The following HS3ST4 variants were observed in gnomAD, a reference collection of about 807,000 sequenced individuals.
The protein encoded by HS3ST4 is heparan sulfate glucosamine 3-O-sulfotransferase 4.
Under a neutral mutation model 29.2 loss-of-function variants are expected in HS3ST4, and 17 were observed. That is an observed-to-expected ratio of 0.58 (90% CI 0.40 to 0.87). The LOEUF (loss-of-function observed/expected upper bound fraction) is 0.87. Ranked by LOEUF, HS3ST4 falls within the 40% of genes least tolerant of loss-of-function variation. The pLI is 0.00. For synonymous variants in HS3ST4, 314 were observed against 285.7 expected, an observed-to-expected ratio of 1.10 and a Z score of -1.00; for missense variants, 627 against 634.5, an observed-to-expected ratio of 0.99 and a Z score of 0.13.
In HS3ST4 at chr16:26,136,870, A is replaced by G. The variant is rs79290123; in HGVS notation, c.*622A>G. On this transcript the variant is annotated 3_prime_UTR_variant, in exon 2 of 2. Transcript: ENST00000331351. ...CACATTCCTCACTGAAAAAGAAAAC[A>G]CACACCCACCCACACACACACACAC... The G allele has an allele frequency of 0.012, 1,896 of 153,456 alleles. 95 individuals carry two copies. Among genetic ancestry groups the G allele is most frequent in the Admixed American group, 0.092 (1,427 of 15,462 alleles). The allele number at this position is 153,456 out of a possible 1,614,324, so 9.5% of individuals were successfully genotyped here.
At chr16:25,828,224 TTCTTTCTTTCTTTCTTTC>T (rs1967240932) in intron 1 of HS3ST4, among the ~76,000 whole-genome samples, 2 of 79,360 alleles carry the variant, frequency 2.5e-5, no homozygotes, top group South Asian at 3.6e-4. Context: ...TTTCTTTCCT[TTCTTTCTTTCTTTCTTTC>T]TCTTTCTTTC....
At position 25,692,491 on chromosome 16, in the gene HS3ST4, C is replaced by T. The variant is rs1426133315; in HGVS notation, c.74C>T (p.Ala25Val). The T allele has an allele frequency of 4.4e-6, 6 of 1,376,826 alleles. 1 individual carries two copies. The South Asian group carries it at 4.4e-5, about 10-fold the overall frequency. The allele number at this position is 1,376,826 out of a possible 1,614,324, so 85.3% of individuals were successfully genotyped here. A position where few individuals can be genotyped will look rare whatever the true frequency, so the allele number is the denominator to read the frequency against. The change falls in exon 1 of 2, where the codon GCC (alanine) becomes GTC (valine). Residue 25 changes from alanine to valine, a missense_variant. By Grantham distance (64) the Ala-to-Val change is moderately conservative (BLOSUM62 0). Transcript: ENST00000331351. ...PPLAAPPPPG[A>V]SAKGPPARKL... Reference sequence around the variant, plus strand: ...CTGGCCGCGCCGCCGCCGCCCGGCGCCTCTGCTAAGGGGCCGCCGGCGCGC... The same window carrying T: ...CTGGCCGCGCCGCCGCCGCCCGGCGTCTCTGCTAAGGGGCCGCCGGCGCGC...
chr16:26,134,357 C>CTTTTTTTTTTTTTTTTTT (rs1167036022), intron 1 of HS3ST4, among the ~76,000 whole-genome samples: 3 of 109,066 alleles, frequency 2.8e-5, no homozygotes, highest in Non-Finnish European at 5.5e-5. Flanking sequence ...CTTTTCTTTT[C>CTTTTTTTTTTTTTTTTTT]TTTTCTTTTT....
chr16:25,914,566 G>C (rs1433134114), intron 1 of HS3ST4, among the ~76,000 whole-genome samples: 5 of 150,190 alleles, frequency 3.3e-5, no homozygotes, highest in Non-Finnish European at 5.9e-5. Flanking sequence ...TGTTTATGTG[G>C]TTGGATGTGG....
At chr16:26,111,907 C>T (rs1359808409) in intron 1 of HS3ST4, among the ~76,000 whole-genome samples, 1 of 151,672 alleles carries the variant, frequency 6.6e-6, no homozygotes, top group Non-Finnish European at 1.5e-5. Flanking sequence ...GTCCCAGCCA[C>T]TCATGAGGCT....
chr16:25,761,220 A>C (rs552307607), intron 1 of HS3ST4, among the ~76,000 whole-genome samples: 8 of 152,268 alleles, frequency 5.3e-5, no homozygotes, highest in African/African-American at 1.9e-4. Flanking sequence ...GTCCATCACC[A>C]TGCATCATTA....
chr16:26,128,825 C>G (rs1226716356), intron 1 of HS3ST4, among the ~76,000 whole-genome samples: 1 of 152,144 alleles, frequency 6.6e-6, no homozygotes, highest in African/African-American at 2.4e-5. Flanking sequence ...TAAGCAGGTG[C>G]TCCATTGAAT....
At chr16:25,856,086 C>T (rs748041235) in intron 1 of HS3ST4, among the ~76,000 whole-genome samples, 2 of 152,180 alleles carry the variant, frequency 1.3e-5, no homozygotes, top group Middle Eastern at 6.8e-3. Context: ...CACAAGGGAC[C>T]TTCCTCTGCT....
At chr16:25,895,155 G>T (rs28685626) in intron 1 of HS3ST4, among the ~76,000 whole-genome samples, 1 of 141,364 alleles carries the variant, frequency 7.1e-6, no homozygotes, top group African/African-American at 2.7e-5. Flanking sequence ...GTGTGTGTGT[G>T]TGTGTGCTCA....
At chr16:25,708,232 A>G (rs1567224233) in intron 1 of HS3ST4, among the ~76,000 whole-genome samples, 1 of 152,236 alleles carries the variant, frequency 6.6e-6, no homozygotes, top group East Asian at 1.9e-4. Context: ...ATTTCCTGAG[A>G]TACAAAACGA....
At chr16:26,114,726 C>A (rs1032977314) in intron 1 of HS3ST4, among the ~76,000 whole-genome samples, 2 of 151,998 alleles carry the variant, frequency 1.3e-5, no homozygotes, top group African/African-American at 4.8e-5. Flanking sequence ...GAAATAAGTA[C>A]CATTAAAGGC....
At chr16:25,888,794 A>AAAC (rs201656635) in intron 1 of HS3ST4, among the ~76,000 whole-genome samples, 31 of 152,280 alleles carry the variant, frequency 2.0e-4, no homozygotes, top group East Asian at 1.5e-3. Context: ...AACAACAACA[A>AAAC]AACAACAACA....
intron 1 of HS3ST4, among the ~76,000 whole-genome samples, chr16:26,051,624 G>A (rs868608647): frequency 1.3e-5 from 2 of 151,956 alleles, no homozygotes; most frequent in African/African-American, 4.8e-5. Flanking sequence ...CTGTGTTCAC[G>A]CAAGGATTTC....
chr16:25,914,419 C>T (rs886816621), intron 1 of HS3ST4, among the ~76,000 whole-genome samples: 4 of 149,660 alleles, frequency 2.7e-5, no homozygotes, highest in Admixed American at 1.3e-4. Context: ...GTAGAATGTG[C>T]GAGTTATGTG....
At chr16:25,887,205 A>C (rs1026455370) in intron 1 of HS3ST4, among the ~76,000 whole-genome samples, 4 of 152,130 alleles carry the variant, frequency 2.6e-5, no homozygotes, top group Admixed American at 2.6e-4. Flanking sequence ...AATTTGAGGA[A>C]GTTTCCGTTC....
At chr16:25,947,505 G>A (rs9936224) in intron 1 of HS3ST4, among the ~76,000 whole-genome samples, 72,461 of 151,878 alleles carry the variant, frequency 0.48, 17,688 homozygotes, top group Admixed American at 0.6. Context: ...TCATTTATTT[G>A]TTTCTTATTC....
intron 1 of HS3ST4, among the ~76,000 whole-genome samples, chr16:25,894,964 G>T (rs1310578639): frequency 6.6e-5 from 10 of 152,214 alleles, no homozygotes; most frequent in African/African-American, 2.4e-4. Flanking sequence ...GGACAATAGT[G>T]ATGGGGAGAT....
At chr16:26,134,921 G>T (rs1157022600) in intron 1 of HS3ST4, among the ~76,000 whole-genome samples, 1 of 152,178 alleles carries the variant, frequency 6.6e-6, no homozygotes, top group Non-Finnish European at 1.5e-5. Context: ...GTAAATGAAT[G>T]AATGTGGCTG....
chr16:25,767,801 C>A (rs1966830413), intron 1 of HS3ST4, among the ~76,000 whole-genome samples: 1 of 152,132 alleles, frequency 6.6e-6, no homozygotes, highest in South Asian at 2.1e-4. Flanking sequence ...AGGCAAAGTC[C>A]CATACTCAGG....
Sources: gnomAD v4.1 joint callset for allele counts (sites outside exome capture counted in the v4.1 genomes callset) on GRCh38, gnomAD v4.1.1 for gene constraint, MANE v1.5 for transcripts, NCBI Gene and HGNC (gene_info 2026-07-23, HGNC 2026-07-21) for gene names.